PRKN: variants seen among roughly 807,000 people sequenced by gnomAD.
The protein encoded by PRKN is parkin RBR E3 ubiquitin protein ligase.
A neutral mutation model predicts 59.5 loss-of-function variants in PRKN; 56 were observed. The observed-to-expected ratio is 0.94, with a 90% CI of 0.76 to 1.18. PRKN has a LOEUF of 1.18. PRKN is among the 50% of genes most tolerant of loss of function. PRKN has a pLI of 0.00. For synonymous variants in PRKN, 250 were observed against 222.1 expected, an observed-to-expected ratio of 1.13 and a Z score of -1.12; for missense variants, 657 against 596.4, an observed-to-expected ratio of 1.10 and a Z score of -1.06.
In PRKN at chr6:162,548,447, C is replaced by T. The variant is rs78535582; in HGVS notation, c.8-104974G>A. On this transcript the variant is annotated intron_variant, in intron 1 of 11. Coordinates refer to ENST00000366898, the MANE Select transcript of PRKN (RefSeq NM_004562.3). The stretch of plus-strand genomic sequence containing the variant: ...TTCCTGAGAGAAAATCATGCCTCAA[C>T]ATCAAACGCAAAGATCAGTCTTAAA... 4.9e-3 allele frequency among the ~76,000 whole-genome samples: 751 copies of T among 152,078 alleles called. 4 individuals are homozygous for T. The highest frequency in any genetic ancestry group is 7.5e-3 in the Non-Finnish European group (511 of 67,982).
intron 5 of PRKN, among the ~76,000 whole-genome samples, chr6:162,053,449 G>A (rs183969286): frequency 1.3e-5 from 2 of 152,284 alleles, no homozygotes; most frequent in Admixed American, 1.3e-4. Context: ...TACATGTGAA[G>A]CATGACCATA....
intron 7 of PRKN, among the ~76,000 whole-genome samples, chr6:161,636,836 G>C (rs576354515): frequency 6.6e-6 from 1 of 152,150 alleles, no homozygotes; most frequent in Non-Finnish European, 1.5e-5. Flanking sequence ...GCTTCAGTCC[G>C]ACCTACAGAA....
At chr6:161,830,616 A>G (rs1792458841) in intron 6 of PRKN, among the ~76,000 whole-genome samples, 1 of 151,746 alleles carries the variant, frequency 6.6e-6, no homozygotes, top group South Asian at 2.1e-4. Flanking sequence ...GGCATTTTTT[A>G]CATTTATTAG....
chr6:161,383,302 G>A (rs1346909478), intron 10 of PRKN, among the ~76,000 whole-genome samples: 1 of 152,226 alleles, frequency 6.6e-6, no homozygotes, highest in Non-Finnish European at 1.5e-5. Context: ...TGTTTGGTTC[G>A]TGCCTTCCCA....
At chr6:162,034,170 TA>T (rs1783748379) in intron 5 of PRKN, among the ~76,000 whole-genome samples, 1 of 110,346 alleles carries the variant, frequency 9.1e-6, no homozygotes, top group Non-Finnish European at 1.8e-5. Flanking sequence ...TACACATACA[TA>T]TATATATATA....
intron 7 of PRKN, among the ~76,000 whole-genome samples, chr6:161,771,373 AAAATAAAATAAAATAAAAT>A (rs1789680722): frequency 4.0e-5 from 2 of 50,478 alleles, no homozygotes; most frequent in Non-Finnish European, 9.8e-5. Context: ...AAAAAAAAAT[AAAATAAAATAAAATAAAAT>A]AAAATAAAAG....
rs961026516 is a variant in PRKN, at chr6:161,348,856, G to T, written c.*1243C>A. The T allele has an allele frequency of 2.1e-4, 44 of 207,046 alleles. 1 individual carries two copies. The highest frequency in any genetic ancestry group is 3.6e-4 in the East Asian group (5 of 13,712). 12.8% of individuals were successfully genotyped at this position (207,046 alleles called of 1,614,324 possible). ...GAGCATGCGGTTTGCCGCATGCAGT[G>T]TTGTTAATCTTTTGATTGTGTTGTG... On this transcript the variant is annotated 3_prime_UTR_variant, in exon 12 of 12. Coordinates refer to ENST00000366898, the MANE Select transcript of PRKN (RefSeq NM_004562.3). The surrounding 1 kb of genome is among the most constrained non-coding windows in gnomAD (Gnocchi z 4.9).
intron 1 of PRKN, among the ~76,000 whole-genome samples, chr6:162,500,700 T>C (rs555201794): frequency 7.2e-5 from 11 of 152,224 alleles, no homozygotes; most frequent in Non-Finnish European, 1.6e-4. Flanking sequence ...ATAGATTGGC[T>C]GGTGAATCCT....
chr6:161,758,023 A>G (rs1441750827), intron 7 of PRKN, among the ~76,000 whole-genome samples: 2 of 150,478 alleles, frequency 1.3e-5, no homozygotes, highest in Non-Finnish European at 2.9e-5. Flanking sequence ...TTCCATAGTG[A>G]GACACCACTA....
chr6:162,326,711 C>T (rs1783298356), intron 2 of PRKN, among the ~76,000 whole-genome samples: 1 of 152,280 alleles, frequency 6.6e-6, no homozygotes. Context: ...ATTGAAAAAG[C>T]TACAGTGCCA....
chr6:162,384,750 A>G (rs1190285140), intron 2 of PRKN, among the ~76,000 whole-genome samples: 1 of 151,650 alleles, frequency 6.6e-6, no homozygotes, highest in Non-Finnish European at 1.5e-5. Context: ...GCAAATATTT[A>G]TTACACGCTG....
At chr6:162,606,963 C>T (rs2846539) in intron 1 of PRKN, among the ~76,000 whole-genome samples, 88,041 of 152,018 alleles carry the variant, frequency 0.58, 26,413 homozygotes, top group Non-Finnish European at 0.67. Flanking sequence ...TTCACCTACC[C>T]TGGCCTACCA....
At chr6:162,128,281 T>C (rs543889099) in intron 4 of PRKN, among the ~76,000 whole-genome samples, 1 of 152,322 alleles carries the variant, frequency 6.6e-6, no homozygotes, top group African/African-American at 2.4e-5. Context: ...AAGTGGATGG[T>C]AAAAAGTCAT....
rs575210955 is a variant in PRKN, at chr6:162,449,012, C to T, written c.8-5539G>A. Among the ~76,000 whole-genome samples, 4 of 152,054 alleles carry T rather than the reference C, an allele frequency of 2.6e-5. No individual in the cohort carries two copies. The East Asian group carries it at 7.8e-4, about 30-fold the overall frequency. ...AAGCAATTCTCCTGCCTCAGCCTCCCGAGTACCTGCGATTACAGATGCCCA... is the reference window on the plus strand; with the variant it reads ...AAGCAATTCTCCTGCCTCAGCCTCCTGAGTACCTGCGATTACAGATGCCCA... On this transcript the variant is annotated intron_variant, in intron 1 of 11. Transcript: ENST00000366898.
rs546619997 is a variant in PRKN, at chr6:162,291,997, CTT to C, written c.172-29234_172-29233del. 2.3e-3 allele frequency among the ~76,000 whole-genome samples: 325 copies of C among 141,142 alleles called. 1 individual carries two copies. The highest frequency in any genetic ancestry group is 8.0e-3 in the African/African-American group (300 of 37,544). The allele number at this position is 141,142 out of a possible 152,430, so 92.6% of individuals were successfully genotyped here. A position where few individuals can be genotyped will look rare whatever the true frequency, so the allele number is the denominator to read the frequency against. ...TTTTTTTCTGAGACGGACTTTCACT[CTT>C]GTCATCCAGGCTGGAGTGCAATGGC... On this transcript the variant is annotated intron_variant, in intron 2 of 11. Transcript: ENST00000366898.
chr6:162,342,427 T>C (rs1245333552), intron 2 of PRKN, among the ~76,000 whole-genome samples: 1 of 152,204 alleles, frequency 6.6e-6, no homozygotes, highest in African/African-American at 2.4e-5. Flanking sequence ...TGAAGTAGTT[T>C]ACATATATTA....
chr6:161,422,174 G>A (rs969902792), intron 9 of PRKN, among the ~76,000 whole-genome samples: 13 of 150,262 alleles, frequency 8.7e-5, no homozygotes, highest in African/African-American at 3.2e-4. Context: ...CAAAATAACC[G>A]ACTAAGGAAA....
intron 7 of PRKN, among the ~76,000 whole-genome samples, chr6:161,691,244 C>A (rs944557941): frequency 1.1e-4 from 17 of 152,222 alleles, no homozygotes; most frequent in African/African-American, 4.1e-4. Context: ...GGCTTCAACC[C>A]TAACCTCTCA....
At chr6:161,607,281 T>A (rs970837031) in intron 7 of PRKN, among the ~76,000 whole-genome samples, 5 of 152,080 alleles carry the variant, frequency 3.3e-5, no homozygotes, top group Non-Finnish European at 7.3e-5. Context: ...TCCAATCAGT[T>A]TTTTTAAAAT....
Sources: allele counts gnomAD v4.1 joint callset (sites outside exome capture counted in the v4.1 genomes callset), GRCh38; gene constraint gnomAD v4.1.1; non-coding constraint Gnocchi (gnomAD v3.1); transcripts MANE v1.5; gene names NCBI Gene and HGNC (gene_info 2026-07-23, HGNC 2026-07-21).